WIPF3: variants seen among roughly 807,000 people sequenced by gnomAD.
WIPF3 encodes the protein WAS/WASL interacting protein family member 3.
Under a neutral mutation model 38.9 loss-of-function variants are expected in WIPF3, and 33 were observed. The observed-to-expected ratio is 0.85, with a 90% CI of 0.64 to 1.14. The LOEUF (loss-of-function observed/expected upper bound fraction) is 1.14. Ranked by LOEUF, WIPF3 falls within the 50% of genes most tolerant of loss-of-function variation. The pLI, the probability that WIPF3 is intolerant of heterozygous loss-of-function variation, is 0.00. For synonymous variants in WIPF3, 324 were observed against 269.3 expected, an observed-to-expected ratio of 1.20 and a Z score of -1.99; for missense variants, 711 against 652.5, an observed-to-expected ratio of 1.09 and a Z score of -0.98.
rs1323000951 is a variant in WIPF3 at position 29,878,221 on chromosome 7, T to TA, written c.224-787dup. On this transcript the variant is annotated intron_variant, in intron 3 of 8. Coordinates refer to ENST00000242140, the MANE Select transcript of WIPF3 (RefSeq NM_001080529.3). The surrounding 1 kb of genome is among the most constrained non-coding windows in gnomAD (Gnocchi z 4.0). ...TAATCATTCTCATGAGTAAGTAATG[T>TA]ACAATATTAATACTCAGAATAATCT... Among the ~76,000 whole-genome samples the TA allele has an allele frequency of 1.3e-5, 2 of 152,234 alleles. No homozygotes were observed. The highest frequency in any genetic ancestry group is 4.8e-5 in the African/African-American group (2 of 41,460).
At chr7:29,874,263 G>A (rs1014751527) in intron 2 of WIPF3, among the ~76,000 whole-genome samples, 1 of 152,078 alleles carries the variant, frequency 6.6e-6, no homozygotes, top group Non-Finnish European at 1.5e-5. Flanking sequence ...CGTTCATACA[G>A]TAGTTATTGA....
chr7:29,864,754 A>G (rs761642753), intron 2 of WIPF3, among the ~76,000 whole-genome samples: 4 of 152,168 alleles, frequency 2.6e-5, no homozygotes, highest in Non-Finnish European at 4.4e-5. Context: ...GTAGTGGTTG[A>G]GGAAAGGGAG....
chr7:29,887,334 G>A (rs1300769975), intron 5 of WIPF3, among the ~76,000 whole-genome samples: 1 of 152,236 alleles, frequency 6.6e-6, no homozygotes, highest in African/African-American at 2.4e-5. Context: ...GCAAAGTGAT[G>A]TTTGCAGTGC....
At chr7:29,869,818 G>A (rs1382592551) in intron 2 of WIPF3, among the ~76,000 whole-genome samples, 1 of 152,196 alleles carries the variant, frequency 6.6e-6, no homozygotes, top group African/African-American at 2.4e-5. Flanking sequence ...GCAGTTTGTA[G>A]TTAGGAAGGG....
chr7:29,851,939 T>G (rs796440076), intron 2 of WIPF3, among the ~76,000 whole-genome samples: 40 of 152,340 alleles, frequency 2.6e-4, no homozygotes, highest in African/African-American at 8.7e-4. Context: ...AGACAATGCC[T>G]GAAGAGAAAG....
At chr7:29,905,021 C>T (rs1321236425) in intron 8 of WIPF3, 1 of 152,230 alleles carries the variant, frequency 6.6e-6, no homozygotes, top group Non-Finnish European at 1.5e-5. Flanking sequence ...TTCAGTCGAA[C>T]AATAATCTCC....
chr7:29,826,810 A>C (rs961703752), intron 1 of WIPF3, among the ~76,000 whole-genome samples: 5 of 152,166 alleles, frequency 3.3e-5, no homozygotes, highest in African/African-American at 4.8e-5. Flanking sequence ...AAAACCACGA[A>C]AGTCATTTGT....
At chr7:29,896,271 GGCAACAGTGAGATCCTCTCTAGCCTGC>G (rs59899232) in intron 7 of WIPF3, among the ~76,000 whole-genome samples, 104,837 of 150,530 alleles carry the variant, frequency 0.7, 37,116 homozygotes, top group South Asian at 0.85. Flanking sequence ...ATTGTGCCTG[GGCAACAGTGAGATCCTCTCTAGCCTGC>G]GCAACAGTGA....
intron 4 of WIPF3, among the ~76,000 whole-genome samples, chr7:29,880,144 G>A (rs898548897): frequency 1.3e-5 from 2 of 151,998 alleles, no homozygotes; most frequent in African/African-American, 4.8e-5. Flanking sequence ...AATTTACTCT[G>A]AGAAAAAAAA....
chr7:29,854,805 G>A (rs1785162340), intron 2 of WIPF3, among the ~76,000 whole-genome samples: 1 of 152,158 alleles, frequency 6.6e-6, no homozygotes, highest in Non-Finnish European at 1.5e-5. Flanking sequence ...TTTAGAGAGA[G>A]GGCCTTTGAA....
chr7:29,817,349 G>T (rs552498817), intron 1 of WIPF3, among the ~76,000 whole-genome samples: 60 of 151,904 alleles, frequency 3.9e-4, no homozygotes, highest in Non-Finnish European at 7.9e-4. Context: ...ATTTAATGTG[G>T]TTTTATGTAT....
chr7:29,813,419 C>T (rs1583587521), intron 1 of WIPF3, among the ~76,000 whole-genome samples: 1 of 152,168 alleles, frequency 6.6e-6, no homozygotes. Context: ...CCACAACCCC[C>T]AAGCCACAGC....
At position 29,914,659 on chromosome 7, in the gene WIPF3, C is replaced by G. The variant is rs35346638; in HGVS notation, c.*143C>G. The stretch of plus-strand genomic sequence containing the variant: ...ATTTATTGTAAATATGTGATTTGCA[C>G]GGGCTTTAAAGCAGTATTTTAATTG... On this transcript the variant is annotated 3_prime_UTR_variant, in exon 9 of 9. Transcript: ENST00000242140. The G allele has an allele frequency of 0.032, 16,588 of 515,550 alleles. 355 individuals are homozygous for G. Among genetic ancestry groups the G allele is most frequent in the Non-Finnish European group, 0.042 (12,997 of 308,320 alleles). 31.9% of individuals were successfully genotyped at this position (515,550 alleles called of 1,614,324 possible). A position where few individuals can be genotyped will look rare whatever the true frequency, so the allele number is the denominator to read the frequency against.
rs546611983 is a variant in WIPF3, at chr7:29,867,163, G to A, written c.91-8667G>A. ...TTGTCACCCATTGCATGTTGCAGCC[G>A]TCTTGTTAATTCCTTTACCCAAACG... On this transcript the variant is annotated intron_variant, in intron 2 of 8. Coordinates refer to ENST00000242140, the MANE Select transcript of WIPF3 (RefSeq NM_001080529.3). 2.9e-4 allele frequency among the ~76,000 whole-genome samples: 44 copies of A among 152,266 alleles called. 1 individual carries two copies. In the South Asian group the frequency reaches 8.7e-3, roughly 30 times the overall value.
chr7:29,881,249 G>A (rs1050003643), intron 4 of WIPF3, among the ~76,000 whole-genome samples: 4 of 152,150 alleles, frequency 2.6e-5, no homozygotes, highest in African/African-American at 9.7e-5. Context: ...GACATATCAT[G>A]TATTCACTGG....
At chr7:29,832,239 A>G (rs1044755662) in intron 1 of WIPF3, among the ~76,000 whole-genome samples, 8 of 152,248 alleles carry the variant, frequency 5.3e-5, no homozygotes, top group Admixed American at 3.9e-4. Flanking sequence ...ATAAAAGATC[A>G]TAAAAAATAG....
In WIPF3 at chr7:29,823,296, C is replaced by G. The variant is rs997921159; in HGVS notation, c.-57-11372C>G. Among the ~76,000 whole-genome samples, 3 of 152,076 alleles carry G rather than the reference C, an allele frequency of 2.0e-5. No homozygotes were observed. Among genetic ancestry groups the G allele is most frequent in the African/African-American group, 7.2e-5 (3 of 41,394 alleles). On this transcript the variant is annotated intron_variant, in intron 1 of 8. Coordinates refer to ENST00000242140, the MANE Select transcript of WIPF3 (RefSeq NM_001080529.3). The surrounding 1 kb of genome is among the most constrained non-coding windows in gnomAD (Gnocchi z 4.0). ...TTTTTTTTTTAGATGGAGTGTCACT[C>G]TGTCACCCAGGCTGGAGTGCAGTGG...
chr7:29,908,764 C>T (rs954060968), intron 8 of WIPF3, among the ~76,000 whole-genome samples: 61 of 151,976 alleles, frequency 4.0e-4, no homozygotes, highest in African/African-American at 1.4e-3. Flanking sequence ...AAAAAATACC[C>T]GGGCATGGTG....
intron 7 of WIPF3, among the ~76,000 whole-genome samples, chr7:29,893,773 T>C (rs1291906432): frequency 1.3e-5 from 2 of 152,164 alleles, no homozygotes; most frequent in African/African-American, 4.8e-5. Context: ...GCTCCTTTCC[T>C]TCCCCTGAGG....
Sources: allele counts gnomAD v4.1 joint callset (sites outside exome capture counted in the v4.1 genomes callset), GRCh38; gene constraint gnomAD v4.1.1; non-coding constraint Gnocchi (gnomAD v3.1); transcripts MANE v1.5; gene names NCBI Gene and HGNC (gene_info 2026-07-23, HGNC 2026-07-21).